Variants in RYR2 observed in about 807,000 individuals in gnomAD.
RYR2 encodes the protein cardiac muscle ryanodine receptor-calcium release channel.
In RYR2, 227 loss-of-function variants were observed where a neutral mutation model predicts 601.1. The ratio of observed to expected loss-of-function variants is 0.38; its 90% CI spans 0.34 to 0.42. The LOEUF (loss-of-function observed/expected upper bound fraction) is 0.42. Ranked by LOEUF, RYR2 falls within the 10% of genes least tolerant of loss-of-function variation. The pLI is 1.00. For synonymous variants in RYR2, 2,223 were observed against 2,175.1 expected (o/e 1.02, Z -0.61); for missense variants, 4,646 against 6,156.5 (o/e 0.75, Z 8.21).
At chr1:237,406,176 T>TTCCCTTCCCC (rs1703861333) in intron 10 of RYR2, among the ~76,000 whole-genome samples, 1 of 30,746 alleles carries the variant, frequency 3.3e-5, no homozygotes, top group Non-Finnish European at 5.2e-5. Flanking sequence ...TTCCCTTCCC[T>TTCCCTTCCCC]CCCCTCCCCT....
intron 60 of RYR2, among the ~76,000 whole-genome samples, chr1:237,677,840 A>G (rs1322522059): frequency 7.2e-5 from 11 of 152,156 alleles, no homozygotes; most frequent in Non-Finnish European, 1.5e-5. Context: ...GCTGTCCTCA[A>G]TAGCTTTTTA....
intron 24 of RYR2, among the ~76,000 whole-genome samples, chr1:237,529,782 C>CACACAT (rs1233226990): frequency 3.6e-4 from 54 of 151,306 alleles, no homozygotes; most frequent in African/African-American, 1.3e-3. Flanking sequence ...CACACACACA[C>CACACAT]ACACACACAC....
intron 80 of RYR2, chr1:237,755,248 A>C: frequency 2.5e-6 from 1 of 406,624 alleles, no homozygotes; most frequent in South Asian, 2.4e-5. Context: ...GCAAGCCTTC[A>C]TTTTTTAAAC....
chr1:237,312,786 C>A (rs1374428376), intron 2 of RYR2, among the ~76,000 whole-genome samples: 1 of 152,058 alleles, frequency 6.6e-6, no homozygotes, highest in Admixed American at 6.6e-5. Context: ...AACTTAGTGA[C>A]CATAGGGAAA....
At position 237,590,788 on chromosome 1, in the gene RYR2, C is replaced by G; in HGVS notation, c.3956C>G (p.Ala1319Gly). Residue 1319 changes from alanine (A) to glycine (G), a missense_variant, in exon 31 of 105, where the codon GCT (alanine) becomes GGT (glycine). By Grantham distance (60) the Ala-to-Gly change is moderately conservative. This residue lies in a region of RYR2 where 1,807 missense variants were observed against 2,088.1 expected (regional missense o/e 0.87). Transcript: ENST00000366574. Reference sequence around the variant, plus strand: ...GCGGAGGTCTTCTCCAAGACGGTGGCTGGAGGGCTCCCTGGGGCTGGCCTT... The same window carrying G: ...GCGGAGGTCTTCTCCAAGACGGTGGGTGGAGGGCTCCCTGGGGCTGGCCTT... ...ECAEVFSKTV[A>G]GGLPGAGLFG... is the part of the protein sequence containing the mutation. 6.2e-7 allele frequency: 1 copy of G among 1,613,876 alleles called. No individual in the cohort carries two copies. The highest frequency in any genetic ancestry group is 8.5e-7 in the Non-Finnish European group (1 of 1,179,842).
intron 5 of RYR2, among the ~76,000 whole-genome samples, chr1:237,365,315 T>G (rs1484784179): frequency 6.6e-6 from 1 of 152,220 alleles, no homozygotes; most frequent in Non-Finnish European, 1.5e-5. Flanking sequence ...TGTCAGTCTG[T>G]TGAATTTTGT....
At chr1:237,562,287 T>G (rs928251240) in intron 27 of RYR2, among the ~76,000 whole-genome samples, 1 of 152,212 alleles carries the variant, frequency 6.6e-6, no homozygotes, top group African/African-American at 2.4e-5. Flanking sequence ...GATGGCTGAT[T>G]AATACCAATA....
intron 46 of RYR2, among the ~76,000 whole-genome samples, chr1:237,639,965 A>G (rs1379730536): frequency 6.6e-6 from 1 of 152,118 alleles, no homozygotes; most frequent in Non-Finnish European, 1.5e-5. Flanking sequence ...TGTACACCAT[A>G]GCCGGATTTG....
At chr1:237,276,310 G>C (rs1291965973) in intron 2 of RYR2, among the ~76,000 whole-genome samples, 4 of 152,096 alleles carry the variant, frequency 2.6e-5, no homozygotes, top group Admixed American at 2.6e-4. Context: ...ATGTTGGCCA[G>C]GCTGGTCTAG....
intron 1 of RYR2, among the ~76,000 whole-genome samples, chr1:237,161,894 C>T (rs1181594115): frequency 6.6e-6 from 1 of 152,128 alleles, no homozygotes; most frequent in Non-Finnish European, 1.5e-5. Context: ...CAAAACCCAC[C>T]TGTTTTCTAT....
In RYR2 at chr1:237,599,228, C is replaced by T. The variant is rs141639830; in HGVS notation, c.4597-2797C>T. On this transcript the variant is annotated intron_variant, in intron 34 of 104. Transcript: ENST00000366574. ...AGGTCTGGAACAAGACAAAGATGCC[C>T]ACTTTCACCACTTCTGTTCAACATA... Among the ~76,000 whole-genome samples the T allele has an allele frequency of 9.2e-3, 1,393 of 152,182 alleles. 24 individuals are homozygous for T. Among genetic ancestry groups the T allele is most frequent in the African/African-American group, 0.031 (1,304 of 41,516 alleles).
chr1:237,631,871 G>T (rs565435952), intron 42 of RYR2, among the ~76,000 whole-genome samples: 9 of 53,706 alleles, frequency 1.7e-4, no homozygotes, highest in South Asian at 4.0e-4. Context: ...CTCGTGATCC[G>T]CCCGCCTTGG....
Position 237,819,801 on chromosome 1 carries a change from A to G in RYR2, c.14590+609A>G, listed in dbSNP as rs528836562. ...CCACTGCACTCCAGCCTGGGCAACA[A>G]GAGCGAAACTCCATTTCAAAACACA... On this transcript the variant is annotated intron_variant, in intron 101 of 104. Transcript: ENST00000366574. The surrounding 1 kb of genome is among the most constrained non-coding windows in gnomAD (Gnocchi z 4.0). Among the ~76,000 whole-genome samples the G allele has an allele frequency of 5.3e-5, 8 of 152,176 alleles. No homozygotes were observed. The South Asian group carries it at 1.7e-3, about 32-fold the overall frequency.
In RYR2 at chr1:237,114,704, A is replaced by G. The variant is rs1669868807; in HGVS notation, c.48+72135A>G. Among the ~76,000 whole-genome samples the G allele has an allele frequency of 1.3e-5, 2 of 152,216 alleles. 1 individual carries two copies. The highest frequency in any genetic ancestry group is 1.3e-4 in the Admixed American group (2 of 15,278). ...GGGAAGGGGCTGTAGCCTAGAGGCT[A>G]AAAACCCATGCTCTGGAGCTAGACT... On this transcript the variant is annotated intron_variant, in intron 1 of 104. Coordinates refer to ENST00000366574, the MANE Select transcript of RYR2 (RefSeq NM_001035.3).
intron 2 of RYR2, among the ~76,000 whole-genome samples, chr1:237,303,525 C>T (rs1693578254): frequency 6.6e-6 from 1 of 151,984 alleles, no homozygotes; most frequent in African/African-American, 2.4e-5. Context: ...GTCTTGAACT[C>T]CTTACCTTAG....
At chr1:237,138,307 A>G (rs1336727679) in intron 1 of RYR2, among the ~76,000 whole-genome samples, 1 of 152,124 alleles carries the variant, frequency 6.6e-6, no homozygotes, top group Non-Finnish European at 1.5e-5. Flanking sequence ...TGCTGGAATT[A>G]CAGGCGTGAG....
chr1:237,706,165 C>G (rs568081625), intron 67 of RYR2, among the ~76,000 whole-genome samples: 18 of 152,250 alleles, frequency 1.2e-4, no homozygotes, highest in Admixed American at 2.0e-4. Context: ...ATGAGAATCG[C>G]TTGAACTGGG....
chr1:237,333,657 T>C, intron 3 of RYR2: 1 of 456,062 alleles, frequency 2.2e-6, no homozygotes, highest in Non-Finnish European at 4.4e-6. Context: ...TGGATGCTGC[T>C]GGCACTTGTA....
At chr1:237,389,164 G>A (rs1178030061) in intron 10 of RYR2, among the ~76,000 whole-genome samples, 7 of 152,124 alleles carry the variant, frequency 4.6e-5, no homozygotes, top group African/African-American at 7.2e-5. Flanking sequence ...AGAAGATGTC[G>A]ATGGTGTCAG....
Sources: allele counts gnomAD v4.1 joint callset (sites outside exome capture counted in the v4.1 genomes callset), GRCh38; gene constraint gnomAD v4.1.1; regional missense constraint gnomAD v4.1.1; non-coding constraint Gnocchi (gnomAD v3.1); transcripts MANE v1.5; gene names NCBI Gene and HGNC (gene_info 2026-07-23, HGNC 2026-07-21).